PLAA: variants seen among roughly 807,000 people sequenced by gnomAD.
PLAA encodes the protein phospholipase A2 activating protein.
Under a neutral mutation model 84.1 loss-of-function variants are expected in PLAA, and 48 were observed. That is an observed-to-expected ratio of 0.57 (90% CI 0.45 to 0.73). The LOEUF is 0.73. PLAA is among the 30% of genes least tolerant of loss of function. The pLI, the probability that PLAA is intolerant of heterozygous loss-of-function variation, is 0.00. For missense variants in PLAA, 903 were observed against 954.7 expected (o/e 0.95, Z 0.71); for synonymous variants, 392 against 336.6 (o/e 1.16, Z -1.80).
chr9:26,932,869 T>G lies in PLAA; in HGVS notation c.343+2144A>C, dbSNP rs12348249. ...TCTGTTTTTGGTCGGGCACAGTGGC[T>G]CATGCCTATAAACCCAGAACTTTGG... On this transcript the variant is annotated intron_variant, in intron 2 of 13. Coordinates refer to ENST00000397292, the MANE Select transcript of PLAA (RefSeq NM_001031689.3). Among the ~76,000 whole-genome samples, 1,387 of 152,286 alleles carry G rather than the reference T, an allele frequency of 9.1e-3. 16 individuals carry two copies. The highest frequency in any genetic ancestry group is 0.031 in the African/African-American group (1,290 of 41,532).
intron 10 of PLAA, chr9:26,916,534 T>G: frequency 1.0e-6 from 1 of 969,810 alleles, no homozygotes; most frequent in Non-Finnish European, 1.2e-6. Flanking sequence ...CCTGGGTAGT[T>G]GGGTGGAATG....
Position 26,947,081 on chromosome 9 carries a change from T to G in PLAA, c.-36A>C. On this transcript the variant is annotated 5_prime_UTR_variant, in exon 1 of 14. Transcript: ENST00000397292. ...TGTCTGGCGCCCGGTGCCCAGGCAC[T>G]GTGCGAGACCAGTCCGCAGGGGCGA... The G allele has an allele frequency of 6.5e-7, 1 of 1,534,012 alleles. No homozygotes were observed. The highest frequency in any genetic ancestry group is 8.8e-7 in the Non-Finnish European group (1 of 1,140,956).
At position 26,904,895 on chromosome 9, in the gene PLAA, T is replaced by C. The variant is rs190230111; in HGVS notation, c.*616A>G. 6.6e-6 allele frequency: 1 copy of C among 152,336 alleles called. No individual in the cohort carries two copies. The highest frequency in any genetic ancestry group is 6.5e-5 in the Admixed American group (1 of 15,294). 9.4% of individuals were successfully genotyped at this position (152,336 alleles called of 1,614,324 possible). On this transcript the variant is annotated 3_prime_UTR_variant, in exon 14 of 14. Coordinates refer to ENST00000397292, the MANE Select transcript of PLAA (RefSeq NM_001031689.3). The stretch of plus-strand genomic sequence containing the variant: ...TTGAGACCTCGTCTGTCTGAACTGA[T>C]ACATGACTAACACAGCTTACCAACT...
At chr9:26,943,175 C>G (rs1825592369) in intron 1 of PLAA, among the ~76,000 whole-genome samples, 1 of 152,104 alleles carries the variant, frequency 6.6e-6, no homozygotes, top group South Asian at 2.1e-4. Flanking sequence ...TAGCTTGAAG[C>G]TAGCTTATAG....
chr9:26,928,431 T>C (rs1362069150), intron 2 of PLAA, 23 bp from the exon 3 acceptor site: 1 of 1,432,174 alleles, frequency 7.0e-7, no homozygotes, highest in Admixed American at 1.7e-5. Flanking sequence ...CATCATTGGA[T>C]AACACATTTT....
Position 26,946,950 on chromosome 9 carries a change from T to C in PLAA, c.96A>G (p.Gly32=). ...RGLVCCAYPP[G]AFVSVSRDRT... The stretch of plus-strand genomic sequence containing the variant: ...GGTCTCGGGACACGGACACAAAGGC[T>C]CCCGGCGGATAGGCGCAGCACACCA... Residue 32 remains glycine (G), a synonymous_variant, in exon 1 of 14, where the codon GGA becomes GGG. Transcript: ENST00000397292. 6.3e-7 allele frequency: 1 copy of C among 1,588,062 alleles called. No individual in the cohort carries two copies. The highest frequency in any genetic ancestry group is 8.6e-7 in the Non-Finnish European group (1 of 1,167,242).
Position 26,921,370 on chromosome 9 carries a change from A to G in PLAA, c.1040-986T>C, listed in dbSNP as rs567766477. The stretch of plus-strand genomic sequence containing the variant: ...AGACTACATTATCTAGTCCCCTTGC[A>G]TTGGGCAGTCACATGATGTCACATT... On this transcript the variant is annotated intron_variant, in intron 7 of 13. Coordinates refer to ENST00000397292, the MANE Select transcript of PLAA (RefSeq NM_001031689.3). Among the ~76,000 whole-genome samples the G allele has an allele frequency of 2.0e-5, 3 of 152,320 alleles. No homozygotes were observed. In the East Asian group the frequency reaches 5.8e-4, roughly 29 times the overall value.
At chr9:26,908,021 C>G (rs1187457093) in intron 12 of PLAA, 23 bp from the exon 13 acceptor site, 1 of 1,555,154 alleles carries the variant, frequency 6.4e-7, no homozygotes, top group Admixed American at 2.2e-5. Context: ...ACCAAACTTT[C>G]AAAATTCTCT....
At chr9:26,936,856 C>T (rs1429038845) in intron 1 of PLAA, among the ~76,000 whole-genome samples, 2 of 152,090 alleles carry the variant, frequency 1.3e-5, no homozygotes, top group Non-Finnish European at 2.9e-5. Context: ...AAGGCTGATG[C>T]CCGGCCGGGC....
intron 2 of PLAA, among the ~76,000 whole-genome samples, chr9:26,930,913 C>G (rs1002837147): frequency 1.3e-5 from 2 of 151,788 alleles, no homozygotes; most frequent in African/African-American, 2.4e-5. Context: ...CTTGGGTGCT[C>G]TTTACATTCT....
intron 1 of PLAA, among the ~76,000 whole-genome samples, chr9:26,943,225 C>T (rs1345651820): frequency 6.6e-6 from 1 of 152,184 alleles, no homozygotes; most frequent in African/African-American, 2.4e-5. Context: ...GTTGCTGGCT[C>T]AGTTCAATGC....
At chr9:26,906,542 C>T (rs1169149750) in intron 13 of PLAA, among the ~76,000 whole-genome samples, 1 of 149,142 alleles carries the variant, frequency 6.7e-6, no homozygotes, top group African/African-American at 2.5e-5. Context: ...ATTCTCCTGT[C>T]TCAGCCTCCC....
At chr9:26,909,614 TTTC>T (rs1824337097) in intron 12 of PLAA, among the ~76,000 whole-genome samples, 1 of 150,412 alleles carries the variant, frequency 6.6e-6, no homozygotes, top group South Asian at 2.1e-4. Context: ...AGCAGATTAA[TTTC>T]TTTTTTTTTT....
chr9:26,925,643 G>A (rs1378550462), intron 6 of PLAA, among the ~76,000 whole-genome samples, 182 bp downstream of exon 6: 1 of 151,190 alleles, frequency 6.6e-6, no homozygotes, highest in Non-Finnish European at 1.5e-5. Context: ...GTACAATACT[G>A]GTATATCATG....
chr9:26,937,354 C>G (rs932587510), intron 1 of PLAA, among the ~76,000 whole-genome samples: 1 of 152,066 alleles, frequency 6.6e-6, no homozygotes. Flanking sequence ...AACAAAGACA[C>G]CCTTCAACAA....
At chr9:26,932,246 T>C (rs1426340202) in intron 2 of PLAA, among the ~76,000 whole-genome samples, 1 of 142,114 alleles carries the variant, frequency 7.0e-6, no homozygotes, top group South Asian at 2.3e-4. Flanking sequence ...TTAGGTGTGA[T>C]AACAATATTG....
chr9:26,922,701 C>CT lies in PLAA; in HGVS notation c.1039+476dup, dbSNP rs570176024. Among the ~76,000 whole-genome samples the CT allele has an allele frequency of 2.1e-4, 31 of 150,762 alleles. No homozygotes were observed. In the East Asian group the frequency reaches 5.6e-3, roughly 27 times the overall value. ...TTTTTTTTTGAGACAGAGTCACACTCTGTCACCCAGGCTGGAATGCAATGG... is the reference window on the plus strand; with the variant it reads ...TTTTTTTTTGAGACAGAGTCACACTCTTGTCACCCAGGCTGGAATGCAATGG... On this transcript the variant is annotated intron_variant, in intron 7 of 13. Transcript: ENST00000397292.
At chr9:26,927,121 G>GTTTTTTTTT (rs1563914299) in intron 4 of PLAA, among the ~76,000 whole-genome samples, 7 of 111,146 alleles carry the variant, frequency 6.3e-5, no homozygotes, top group South Asian at 3.3e-4. Context: ...TACTTTTTTT[G>GTTTTTTTTT]TTTTTCTTTT....
intron 10 of PLAA, among the ~76,000 whole-genome samples, chr9:26,914,326 T>C (rs1824486949): frequency 6.6e-6 from 1 of 152,166 alleles, no homozygotes; most frequent in Non-Finnish European, 1.5e-5. Flanking sequence ...AGAGATACTA[T>C]GACAACAGCC....
Sources: allele counts gnomAD v4.1 joint callset (sites outside exome capture counted in the v4.1 genomes callset), GRCh38; gene constraint gnomAD v4.1.1; transcripts MANE v1.5; gene names NCBI Gene and HGNC (gene_info 2026-07-23, HGNC 2026-07-21).